The following POTEJ variants were observed in gnomAD, a reference collection of about 807,000 sequenced individuals.
POTEJ encodes the protein POTE ankyrin domain family, member J.
A neutral mutation model predicts 69.0 loss-of-function variants in POTEJ; 11 were observed. The ratio of observed to expected loss-of-function variants is 0.16; its 90% CI spans 0.10 to 0.26. The LOEUF (loss-of-function observed/expected upper bound fraction) is 0.26, where lower values mean the gene tolerates loss of function less well. Among genes scored for constraint, POTEJ ranks in the 10% least tolerant of loss-of-function variants. POTEJ has a pLI of 1.00. For synonymous variants in POTEJ, 117 were observed against 381.1 expected, an observed-to-expected ratio of 0.31 and a Z score of 8.07; for missense variants, 327 against 1,045.5, an observed-to-expected ratio of 0.31 and a Z score of 9.48.
rs200484192 is a variant in POTEJ, at chr2:130,637,641, C to A, written c.1299-978C>A. 5.3e-5 allele frequency among the ~76,000 whole-genome samples: 8 copies of A among 152,350 alleles called. No homozygotes were observed. In the East Asian group the frequency reaches 1.5e-3, roughly 29 times the overall value. Reference sequence around the variant, plus strand: ...GGTGGTCTGTGAGATGACACCAGAGCCAAATAACGTGTGGGGTGTTGTGTA... The same window carrying A: ...GGTGGTCTGTGAGATGACACCAGAGACAAATAACGTGTGGGGTGTTGTGTA... On this transcript the variant is annotated intron_variant, in intron 9 of 14. Coordinates refer to ENST00000409602, the MANE Select transcript of POTEJ (RefSeq NM_001277083.2).
intron 9 of POTEJ, among the ~76,000 whole-genome samples, chr2:130,632,970 G>A (rs878924068): frequency 2.9e-5 from 4 of 140,306 alleles, no homozygotes; most frequent in African/African-American, 1.1e-4. Flanking sequence ...AGATTTGGAC[G>A]GCAGATTATT....
chr2:130,628,153 G>A (rs1416019898), intron 6 of POTEJ, among the ~76,000 whole-genome samples: 1 of 117,732 alleles, frequency 8.5e-6, no homozygotes, highest in East Asian at 2.2e-4. Flanking sequence ...TAATGTCCAG[G>A]CATCTTAAAA....
intron 14 of POTEJ, among the ~76,000 whole-genome samples, chr2:130,655,974 T>A (rs1339388995): frequency 7.1e-6 from 1 of 141,198 alleles, no homozygotes; most frequent in Non-Finnish European, 1.5e-5. Context: ...GTGCTTAGAT[T>A]TGACAGTTAT....
intron 13 of POTEJ, among the ~76,000 whole-genome samples, chr2:130,649,544 A>G (rs557007440): frequency 3.9e-5 from 6 of 152,132 alleles, no homozygotes; most frequent in South Asian, 2.1e-4. Context: ...CCTTTCATCA[A>G]TTCTTATCTC....
chr2:130,624,693 C>A (rs1230497732), intron 6 of POTEJ, among the ~76,000 whole-genome samples: 4 of 151,778 alleles, frequency 2.6e-5, no homozygotes, highest in Admixed American at 6.6e-5. Flanking sequence ...GACCCCTGCT[C>A]TGCGTGGTCC....
intron 6 of POTEJ, among the ~76,000 whole-genome samples, chr2:130,626,593 A>G (rs1246338464): frequency 6.6e-6 from 1 of 152,112 alleles, no homozygotes; most frequent in Non-Finnish European, 1.5e-5. Context: ...AACTTTATTT[A>G]CAAAACCATA....
chr2:130,638,982 C>T (rs1205035260), intron 10 of POTEJ, among the ~76,000 whole-genome samples: 2 of 152,230 alleles, frequency 1.3e-5, no homozygotes, highest in South Asian at 2.1e-4. Context: ...GACAGATCAT[C>T]AGGCATTAGA....
rs1685857123 is a variant in POTEJ at position 130,630,518 on chromosome 2, T to G, written c.1086+499T>G. On this transcript the variant is annotated intron_variant, in intron 7 of 14. Coordinates refer to ENST00000409602, the MANE Select transcript of POTEJ (RefSeq NM_001277083.2). ...ATGGTTAAGGAGTAATCATGGCCAG[T>G]GATTGAAAATCTGCAGTTTTATATT... Among the ~76,000 whole-genome samples, 2 of 138,450 alleles carry G rather than the reference T, an allele frequency of 1.4e-5. 1 individual carries two copies. The highest frequency in any genetic ancestry group is 3.1e-5 in the Non-Finnish European group (2 of 64,508). The allele number at this position is 138,450 out of a possible 152,430, so 90.8% of individuals were successfully genotyped here. A position where few individuals can be genotyped will look rare whatever the true frequency, so the allele number is the denominator to read the frequency against.
At chr2:130,647,160 G>T (rs143943095) in intron 13 of POTEJ, among the ~76,000 whole-genome samples, 1 of 147,038 alleles carries the variant, frequency 6.8e-6, no homozygotes, top group Non-Finnish European at 1.5e-5. Context: ...GAGGTTAGAT[G>T]TAGGGTATAC....
chr2:130,654,372 C>T (rs2105264691), intron 13 of POTEJ, among the ~76,000 whole-genome samples: 1 of 139,852 alleles, frequency 7.2e-6, no homozygotes, highest in East Asian at 2.1e-4. Flanking sequence ...TGTTTACAGC[C>T]ACTCTCTGTC....
At chr2:130,642,658 A>T (rs1386765620) in intron 10 of POTEJ, among the ~76,000 whole-genome samples, 1 of 152,194 alleles carries the variant, frequency 6.6e-6, no homozygotes, top group Admixed American at 6.5e-5. Context: ...ATGTCCAAGC[A>T]TCTTAAAATT....
chr2:130,639,186 G>T lies in POTEJ; in HGVS notation c.1369+497G>T, dbSNP rs1351449544. Among the ~76,000 whole-genome samples, 3 of 152,430 alleles carry T rather than the reference G, an allele frequency of 2.0e-5. No homozygotes were observed. The South Asian group carries it at 6.2e-4, about 32-fold the overall frequency. On this transcript the variant is annotated intron_variant, in intron 10 of 14. Transcript: ENST00000409602. ...CCTGCTGCGCACCTCCTCCTGTGTG[G>T]CATGGTTCCTAACAGACCGTGGACT...
chr2:130,618,607 A>G (rs1189980824), intron 3 of POTEJ, among the ~76,000 whole-genome samples: 9 of 146,662 alleles, frequency 6.1e-5, no homozygotes, highest in South Asian at 2.1e-4. Context: ...CGACGACGAC[A>G]ACAACAACAA....
At position 130,657,031 on chromosome 2, in the gene POTEJ, G is replaced by A. The variant is rs755837209; in HGVS notation, c.2271G>A (p.Leu757=). ...KIWHHTFYNE[L]RVAPEEHPIL... ...GGCACCACACCTTCTACAACGAGCTGCGTGTGGCCCCCGAGGAGCACCCCA... is the reference window on the plus strand; with the variant it reads ...GGCACCACACCTTCTACAACGAGCTACGTGTGGCCCCCGAGGAGCACCCCA... Residue 757 remains leucine, a synonymous_variant, in exon 15 of 15, where the codon CTG becomes CTA. Transcript: ENST00000409602. 6 of 1,582,448 alleles carry A rather than the reference G, an allele frequency of 3.8e-6. 1 individual carries two copies. The highest frequency in any genetic ancestry group is 3.4e-4 in the Middle Eastern group (2 of 5,814).
chr2:130,655,460 A>T (rs1223187247), intron 14 of POTEJ, among the ~76,000 whole-genome samples: 2 of 152,262 alleles, frequency 1.3e-5, no homozygotes, highest in Non-Finnish European at 2.9e-5. Context: ...CATTGTGGAT[A>T]CCATTATCCT....
intron 6 of POTEJ, among the ~76,000 whole-genome samples, chr2:130,625,152 T>C (rs1185293131): frequency 6.6e-6 from 1 of 152,186 alleles, no homozygotes; most frequent in African/African-American, 2.4e-5. Context: ...GTTTTATAAG[T>C]TGCAGGAGAC....
At chr2:130,625,161 A>C (rs1368357726) in intron 6 of POTEJ, among the ~76,000 whole-genome samples, 1 of 152,178 alleles carries the variant, frequency 6.6e-6, no homozygotes, top group African/African-American at 2.4e-5. Flanking sequence ...GTTGCAGGAG[A>C]CAAAGATGGA....
intron 14 of POTEJ, 61 bp from the exon 15 acceptor site, chr2:130,656,488 A>C (rs62165274): frequency 3.6e-6 from 5 of 1,376,080 alleles, no homozygotes; most frequent in Non-Finnish European, 4.0e-6. Flanking sequence ...TTGAATTTCA[A>C]AAGAAATCAT....
intron 9 of POTEJ, among the ~76,000 whole-genome samples, chr2:130,635,010 G>C (rs1245971717): frequency 6.7e-6 from 1 of 148,540 alleles, no homozygotes; most frequent in African/African-American, 2.5e-5. Context: ...CCCTAACGGC[G>C]TCTTCACTTG....
Sources: allele counts gnomAD v4.1 joint callset (sites outside exome capture counted in the v4.1 genomes callset), GRCh38; gene constraint gnomAD v4.1.1; transcripts MANE v1.5; gene names NCBI Gene and HGNC (gene_info 2026-07-23, HGNC 2026-07-21).